Variants in PTP4A1 observed in about 807,000 individuals in gnomAD.
PTP4A1 encodes protein tyrosine phosphatase 4A1, also known as protein tyrosine phosphatase type IVA 1.
In PTP4A1, 9 loss-of-function variants were observed where a neutral mutation model predicts 20.5. The observed-to-expected ratio is 0.44, with a 90% CI of 0.26 to 0.77. The LOEUF is 0.77. Ranked by LOEUF, PTP4A1 falls within the 30% of genes least tolerant of loss-of-function variation. The probability of loss-of-function intolerance (pLI) is 0.19; values close to 1 mark genes in which losing one functional copy is unlikely to be tolerated. For missense variants in PTP4A1, 137 were observed against 218.8 expected (o/e 0.63, Z 2.36); for synonymous variants, 78 against 67.4 (o/e 1.16, Z -0.77).
chr6:63,533,654 T>A (rs1369789354), intron 2 of PTP4A1, among the ~76,000 whole-genome samples: 4 of 152,098 alleles, frequency 2.6e-5, no homozygotes, highest in African/African-American at 7.2e-5. Context: ...AATAGCAAAT[T>A]AGAATAAATG....
In PTP4A1 at chr6:63,582,655, C is replaced by G. The variant is rs796557917; in HGVS notation, c.*2481C>G. 4 of 152,180 alleles carry G rather than the reference C, an allele frequency of 2.6e-5. No individual in the cohort carries two copies. Among genetic ancestry groups the G allele is most frequent in the African/African-American group, 9.7e-5 (4 of 41,416 alleles). The allele number at this position is 152,180 out of a possible 1,614,324, so 9.4% of individuals were successfully genotyped here. On this transcript the variant is annotated 3_prime_UTR_variant, in exon 6 of 6. Coordinates refer to ENST00000626021, the MANE Select transcript of PTP4A1 (RefSeq NM_003463.5). ...CTTAGTGGGATGATGTAAATAGAGG[C>G]TAGCTACCTAGGCTTGTCTATAGCA...
intron 2 of PTP4A1, among the ~76,000 whole-genome samples, chr6:63,530,851 C>T (rs1775425735): frequency 6.6e-6 from 1 of 151,936 alleles, no homozygotes; most frequent in Admixed American, 6.6e-5. Context: ...TTAAAACATC[C>T]AAATTGATAC....
intron 2 of PTP4A1, among the ~76,000 whole-genome samples, chr6:63,530,181 G>T (rs1775392435): frequency 6.6e-6 from 1 of 152,106 alleles, no homozygotes; most frequent in South Asian, 2.1e-4. Context: ...AATGAAATGT[G>T]ATCATTAAAA....
At chr6:63,563,695 A>G (rs1777063009) in intron 3 of PTP4A1, among the ~76,000 whole-genome samples, 1 of 152,182 alleles carries the variant, frequency 6.6e-6, no homozygotes, top group South Asian at 2.1e-4. Context: ...CATTTAACAC[A>G]TATGTGTTGG....
At position 63,578,432 on chromosome 6, in the gene PTP4A1, T is replaced by C. The variant is rs755791376; in HGVS notation, c.106-5T>C. 10 of 1,600,374 alleles carry C rather than the reference T, an allele frequency of 6.2e-6. No individual in the cohort carries two copies. The highest frequency in any genetic ancestry group is 1.7e-4 in the Middle Eastern group (1 of 5,868). On this transcript the variant is annotated splice_region_variant and splice_polypyrimidine_tract_variant and intron_variant, in intron 2 of 5. Transcript: ENST00000626021. Reference sequence around the variant, plus strand: ...TAAGATTTTTTTAATGTACGTTTTATCCAGGAACTTAAGAAGTATGGAGTT... The same window carrying C: ...TAAGATTTTTTTAATGTACGTTTTACCCAGGAACTTAAGAAGTATGGAGTT...
intron 2 of PTP4A1, among the ~76,000 whole-genome samples, chr6:63,548,241 G>A (rs975477472): frequency 6.6e-6 from 1 of 152,056 alleles, no homozygotes; most frequent in Non-Finnish European, 1.5e-5. Flanking sequence ...CTGAAGCCAG[G>A]CTTTGAATCC....
intron 2 of PTP4A1, among the ~76,000 whole-genome samples, chr6:63,547,369 T>C (rs962081471): frequency 2.0e-5 from 3 of 151,140 alleles, no homozygotes; most frequent in African/African-American, 7.3e-5. Flanking sequence ...TTTGTATTTT[T>C]AGTAGAGATA....
intron 2 of PTP4A1, among the ~76,000 whole-genome samples, chr6:63,539,724 G>A (rs2758244): frequency 0.38 from 56,948 of 151,296 alleles, 10,898 homozygotes; most frequent in African/African-American, 0.45. Flanking sequence ...AGCTGAGATC[G>A]TACCACTGCA....
Position 63,580,280 on chromosome 6 carries a change from G to A in PTP4A1, c.*106G>A. The A allele has an allele frequency of 2.1e-6, 2 of 941,764 alleles. No homozygotes were observed. The highest frequency in any genetic ancestry group is 3.3e-6 in the Non-Finnish European group (2 of 610,832). 58.3% of individuals were successfully genotyped at this position (941,764 alleles called of 1,614,324 possible). ...TAGTAAGTCTAATGAAGCTTCCATA[G>A]GAGTATTGAAAGGCAGTTTTACCAG... On this transcript the variant is annotated 3_prime_UTR_variant, in exon 6 of 6. Coordinates refer to ENST00000626021, the MANE Select transcript of PTP4A1 (RefSeq NM_003463.5).
At chr6:63,567,808 A>G (rs919098180), upstream of PTP4A1, among the ~76,000 whole-genome samples, 1 of 152,230 alleles carries the variant, frequency 6.6e-6, no homozygotes, top group African/African-American at 2.4e-5. Flanking sequence ...TATTTAGTGT[A>G]GCCACCTTCA....
At chr6:63,523,432 G>A (rs531143931) in intron 1 of PTP4A1, among the ~76,000 whole-genome samples, 2 of 152,160 alleles carry the variant, frequency 1.3e-5, no homozygotes, top group South Asian at 4.2e-4. Context: ...TACTCGGGAG[G>A]TTTGAACCCG....
chr6:63,539,067 T>G (rs1775840099), intron 2 of PTP4A1, among the ~76,000 whole-genome samples: 1 of 151,870 alleles, frequency 6.6e-6, no homozygotes, highest in Admixed American at 6.6e-5. Context: ...TAATTTGTGT[T>G]TTTTTAGTAG....
At position 63,580,184 on chromosome 6, in the gene PTP4A1, G is replaced by A. The variant is rs752197709; in HGVS notation, c.*10G>A. On this transcript the variant is annotated 3_prime_UTR_variant, in exon 6 of 6. Coordinates refer to ENST00000626021, the MANE Select transcript of PTP4A1 (RefSeq NM_003463.5). ...CTGTTGCATTCAATAAAATTGGGGT[G>A]CCTAATGCTACTGGAAGTGGAACTT... 6.3e-7 allele frequency: 1 copy of A among 1,580,006 alleles called. No individual in the cohort carries two copies. Among genetic ancestry groups the A allele is most frequent in the South Asian group, 1.1e-5 (1 of 90,258 alleles).
intron 2 of PTP4A1, among the ~76,000 whole-genome samples, chr6:63,546,630 A>G (rs1776191895): frequency 6.6e-6 from 1 of 152,032 alleles, no homozygotes; most frequent in Admixed American, 6.6e-5. Flanking sequence ...CGCTCAAACC[A>G]GGGAGGCAGA....
upstream of PTP4A1, among the ~76,000 whole-genome samples, chr6:63,517,534 TAAC>T (rs1001355703): frequency 1.3e-5 from 2 of 152,022 alleles, no homozygotes; most frequent in Non-Finnish European, 2.9e-5. Context: ...TAACCTCAAT[TAAC>T]AACAATAGCA....
intron 1 of PTP4A1, among the ~76,000 whole-genome samples, chr6:63,526,803 G>GTATATATATATATATATATATA (rs376671990): frequency 8.9e-5 from 9 of 101,432 alleles, no homozygotes; most frequent in African/African-American, 3.9e-4. Context: ...TCTCAAAAAT[G>GTATATATATATATATATATATA]TATATATATA....
At chr6:63,554,023 A>G (rs766683026) in intron 3 of PTP4A1, among the ~76,000 whole-genome samples, 3 of 152,224 alleles carry the variant, frequency 2.0e-5, no homozygotes, top group Admixed American at 6.5e-5. Context: ...AGAAATTTCC[A>G]TAGACATTGA....
upstream of PTP4A1, among the ~76,000 whole-genome samples, chr6:63,517,466 T>A (rs1562108751): frequency 1.3e-5 from 2 of 152,204 alleles, no homozygotes; most frequent in Non-Finnish European, 2.9e-5. Context: ...AATAAAGGTA[T>A]GCACACATGA....
intron 2 of PTP4A1, among the ~76,000 whole-genome samples, chr6:63,535,768 G>C (rs1775692246): frequency 6.6e-6 from 1 of 152,106 alleles, no homozygotes; most frequent in Non-Finnish European, 1.5e-5. Flanking sequence ...GAAGATTATG[G>C]CTAGTTAAAA....
Sources: allele counts gnomAD v4.1 joint callset (sites outside exome capture counted in the v4.1 genomes callset), GRCh38; gene constraint gnomAD v4.1.1; transcripts MANE v1.5; gene names NCBI Gene and HGNC (gene_info 2026-07-23, HGNC 2026-07-21).